PTGFR: variants seen among roughly 807,000 people sequenced by gnomAD.
PTGFR encodes prostaglandin F receptor, also known as prostaglandin F2-alpha receptor.
A neutral mutation model predicts 26.2 loss-of-function variants in PTGFR; 15 were observed. The ratio of observed to expected loss-of-function variants is 0.57; its 90% CI spans 0.38 to 0.88. PTGFR has a LOEUF of 0.88. Ranked by LOEUF, PTGFR falls within the 40% of genes least tolerant of loss-of-function variation. PTGFR has a pLI of 0.00. For missense variants in PTGFR, 369 were observed against 427.2 expected (o/e 0.86, Z 1.20); for synonymous variants, 165 against 151.1 (o/e 1.09, Z -0.68).
chr1:78,527,058 G>A (rs1376699612), intron 2 of PTGFR, among the ~76,000 whole-genome samples: 7 of 152,092 alleles, frequency 4.6e-5, no homozygotes, highest in Non-Finnish European at 8.8e-5. Context: ...ATGGACTTCA[G>A]TTACAATGGC....
intron 2 of PTGFR, among the ~76,000 whole-genome samples, chr1:78,497,616 G>T (rs2100351843): frequency 6.6e-6 from 1 of 152,254 alleles, no homozygotes; most frequent in South Asian, 2.1e-4. Context: ...TTAGTGCTAT[G>T]CGTAGTTCAC....
intron 2 of PTGFR, among the ~76,000 whole-genome samples, chr1:78,507,364 CAG>C (rs1384498434): frequency 2.6e-5 from 4 of 152,148 alleles, no homozygotes; most frequent in African/African-American, 4.8e-5. Flanking sequence ...GTTTTTGGCA[CAG>C]AGTTTATAGC....
intron 2 of PTGFR, 77 bp downstream of exon 2, chr1:78,493,618 T>G: frequency 7.3e-7 from 1 of 1,365,714 alleles, no homozygotes; most frequent in South Asian, 1.6e-5. Context: ...AAGTTCAGTC[T>G]TTTAAATGCT....
chr1:78,498,427 TTATG>T (rs1553164384), intron 2 of PTGFR, among the ~76,000 whole-genome samples: 1 of 152,200 alleles, frequency 6.6e-6, no homozygotes, highest in Non-Finnish European at 1.5e-5. Context: ...TATATATTGT[TTATG>T]TATTTAGGTA....
intron 2 of PTGFR, among the ~76,000 whole-genome samples, chr1:78,501,832 C>T (rs1468237229): frequency 6.6e-6 from 1 of 152,076 alleles, no homozygotes; most frequent in African/African-American, 2.4e-5. Flanking sequence ...TTATAATAAT[C>T]GTAAACTCAG....
rs879373867 is a variant in PTGFR at position 78,536,817 on chromosome 1, T to C, written c.*130T>C. On this transcript the variant is annotated 3_prime_UTR_variant, in exon 3 of 3. Transcript: ENST00000370757. Reference sequence around the variant, plus strand: ...TCATCATGTAGTTTGAAGATACTATTGTCAGATTCAGGTTTTGAAATTTGT... The same window carrying C: ...TCATCATGTAGTTTGAAGATACTATCGTCAGATTCAGGTTTTGAAATTTGT... 1 of 1,058,446 alleles carries C rather than the reference T, an allele frequency of 9.4e-7. No individual in the cohort carries two copies. The highest frequency in any genetic ancestry group is 1.8e-5 in the South Asian group (1 of 54,406). The allele number at this position is 1,058,446 out of a possible 1,614,324, so 65.6% of individuals were successfully genotyped here. A position where few individuals can be genotyped will look rare whatever the true frequency, so the allele number is the denominator to read the frequency against.
At chr1:78,494,864 A>C (rs1211841188) in intron 2 of PTGFR, among the ~76,000 whole-genome samples, 1 of 152,124 alleles carries the variant, frequency 6.6e-6, no homozygotes, top group Non-Finnish European at 1.5e-5. Context: ...TCGGCCTCCC[A>C]AAGTGCTGGG....
intron 2 of PTGFR, among the ~76,000 whole-genome samples, chr1:78,518,458 T>C (rs1320345117): frequency 6.6e-6 from 1 of 151,998 alleles, no homozygotes; most frequent in Non-Finnish European, 1.5e-5. Flanking sequence ...TAGTTACCAA[T>C]TGTTCTATTT....
chr1:78,534,103 T>A (rs1027507754), intron 2 of PTGFR, among the ~76,000 whole-genome samples: 1 of 152,214 alleles, frequency 6.6e-6, no homozygotes, highest in Non-Finnish European at 1.5e-5. Context: ...ACAACTGTAA[T>A]GTGCCAATGT....
intron 2 of PTGFR, among the ~76,000 whole-genome samples, chr1:78,495,581 T>G (rs765547969): frequency 4.6e-5 from 7 of 152,204 alleles, no homozygotes; most frequent in Non-Finnish European, 1.0e-4. Flanking sequence ...AATAGTGAAG[T>G]GTCAATAAAT....
At position 78,536,636 on chromosome 1, in the gene PTGFR, G is replaced by A. The variant is rs774549943; in HGVS notation, c.1029G>A (p.Lys343=). 6.2e-7 allele frequency: 1 copy of A among 1,612,958 alleles called. No individual in the cohort carries two copies. Among genetic ancestry groups the A allele is most frequent in the Non-Finnish European group, 8.5e-7 (1 of 1,179,468 alleles). ...WELSSIKNSL[K]VAAISESPVA... is the part of the protein sequence containing the mutation. ...TTAGTTCCATTAAAAATTCCTTAAA[G>A]GTTGCTGCTATTTCTGAGTCACCAG... The change falls in exon 3 of 3, where the codon AAG becomes AAA. Residue 343 remains lysine, a synonymous_variant. Coordinates refer to ENST00000370757, the MANE Select transcript of PTGFR (RefSeq NM_000959.4).
chr1:78,505,282 C>A (rs928885614), intron 2 of PTGFR, among the ~76,000 whole-genome samples: 1 of 151,946 alleles, frequency 6.6e-6, no homozygotes, highest in Admixed American at 6.6e-5. Flanking sequence ...ACCACCACAC[C>A]TGGCTAATTT....
At chr1:78,527,967 T>G (rs760307924) in intron 2 of PTGFR, among the ~76,000 whole-genome samples, 31 of 152,052 alleles carry the variant, frequency 2.0e-4, no homozygotes, top group Non-Finnish European at 3.7e-4. Context: ...CCGAAACAGT[T>G]GAAGGATGAG....
chr1:78,492,779 T>G lies in PTGFR; in HGVS notation c.36T>G (p.Pro12=). ...SMNNSKQLVS[P]AAALLSNTTC... is the part of the protein sequence containing the mutation. ...ACAATTCCAAACAGCTAGTGTCTCC[T>G]GCAGCTGCGCTTCTTTCAAACACAA... The change falls in exon 2 of 3, where the codon CCT becomes CCG. Residue 12 remains proline, a synonymous_variant. Coordinates refer to ENST00000370757, the MANE Select transcript of PTGFR (RefSeq NM_000959.4). The G allele has an allele frequency of 1.2e-6, 2 of 1,614,130 alleles. No homozygotes were observed. Among genetic ancestry groups the G allele is most frequent in the Non-Finnish European group, 1.7e-6 (2 of 1,179,996 alleles).
chr1:78,510,657 A>C (rs1649944641), intron 2 of PTGFR, among the ~76,000 whole-genome samples: 1 of 152,092 alleles, frequency 6.6e-6, no homozygotes, highest in Non-Finnish European at 1.5e-5. Flanking sequence ...GGCCCCCCCA[A>C]ATCTCATATC....
chr1:78,494,075 T>C (rs1649484178), intron 2 of PTGFR, among the ~76,000 whole-genome samples: 1 of 152,240 alleles, frequency 6.6e-6, no homozygotes. Context: ...TCAGGAACAA[T>C]GCCATTAGTC....
At position 78,492,737 on chromosome 1, in the gene PTGFR, CACA is replaced by C; in HGVS notation, c.-2_1del. 6.2e-7 allele frequency: 1 copy of C among 1,603,322 alleles called. No homozygotes were observed. The highest frequency in any genetic ancestry group is 1.1e-5 in the South Asian group (1 of 88,944). On this transcript the variant is annotated 5_prime_UTR_variant, in exon 2 of 3. Coordinates refer to ENST00000370757, the MANE Select transcript of PTGFR (RefSeq NM_000959.4). Reference sequence around the variant, plus strand: ...GACTTGAGTGGTTGGCTTTTATCTCCACAACAATGTCCATGAACAATTCCAAAC... The same window carrying C: ...GACTTGAGTGGTTGGCTTTTATCTCCACAATGTCCATGAACAATTCCAAAC...
intron 2 of PTGFR, among the ~76,000 whole-genome samples, chr1:78,520,432 T>C (rs35138697): frequency 9.2e-5 from 14 of 151,796 alleles, no homozygotes; most frequent in Non-Finnish European, 2.1e-4. Flanking sequence ...CCACAAAACT[T>C]GGTAGCTTAA....
intron 2 of PTGFR, among the ~76,000 whole-genome samples, chr1:78,503,532 G>A (rs1649758148): frequency 6.6e-6 from 1 of 152,150 alleles, no homozygotes. Context: ...GAGGAAACTG[G>A]TGGGTGTCTC....
Sources: gnomAD v4.1 joint callset for allele counts (sites outside exome capture counted in the v4.1 genomes callset) on GRCh38, gnomAD v4.1.1 for gene constraint, MANE v1.5 for transcripts, NCBI Gene and HGNC (gene_info 2026-07-23, HGNC 2026-07-21) for gene names.